Variants in HOXB3 observed in about 807,000 individuals in gnomAD.
HOXB3 encodes homeobox B3.
Under a neutral mutation model 29.2 loss-of-function variants are expected in HOXB3, and 17 were observed. The observed-to-expected ratio is 0.58, with a 90% CI of 0.40 to 0.87. The LOEUF (loss-of-function observed/expected upper bound fraction) is 0.87. Ranked by LOEUF, HOXB3 falls within the 40% of genes least tolerant of loss-of-function variation. The pLI is 0.00. For missense variants in HOXB3, 637 were observed against 616.3 expected (o/e 1.03, Z -0.35); for synonymous variants, 317 against 285.9 (o/e 1.11, Z -1.10).
At chr17:48,562,604 T>G (rs1342076817) in intron 2 of HOXB3, among the ~76,000 whole-genome samples, 2 of 152,158 alleles carry the variant, frequency 1.3e-5, no homozygotes, top group Non-Finnish European at 2.9e-5. Context: ...TAATATCAAT[T>G]TACTTCACTG....
rs776508741 is a variant in HOXB3, at chr17:48,578,136, C to T, written c.-424-4122G>A. 3 of 1,547,014 alleles carry T rather than the reference C, an allele frequency of 1.9e-6. No individual in the cohort carries two copies. The highest frequency in any genetic ancestry group is 1.4e-5 in the African/African-American group (1 of 73,406). On this transcript the variant is annotated intron_variant, in intron 1 of 4. Coordinates refer to ENST00000498678, the MANE Select transcript of HOXB3 (RefSeq NM_001384749.1). The stretch of plus-strand genomic sequence containing the variant: ...TCCCGGCAGGCCGCGTAGCGCTGCA[C>T]GGTGCACGCCGCGCGCCGCCCGAAG...
rs2068865956 is a variant in HOXB3, at chr17:48,554,048, T to A, written c.-158-1416A>T. 1 of 154,926 alleles carries A rather than the reference T, an allele frequency of 6.5e-6. No individual in the cohort carries two copies. Among genetic ancestry groups the A allele is most frequent in the Non-Finnish European group, 1.4e-5 (1 of 69,710 alleles). The allele number at this position is 154,926 out of a possible 1,614,324, so 9.6% of individuals were successfully genotyped here. On this transcript the variant is annotated intron_variant, in intron 3 of 4. Transcript: ENST00000498678. The surrounding 1 kb of genome is among the most constrained non-coding windows in gnomAD (Gnocchi z 4.1). The stretch of plus-strand genomic sequence containing the variant: ...AAAAGGGAATCAGTGTAACCCTGAG[T>A]TCCGATTGGTTTCTGGAAATACACA...
At chr17:48,576,932 G>A (rs1281350200) in intron 1 of HOXB3, 3 of 1,614,250 alleles carry the variant, frequency 1.9e-6, no homozygotes, top group Admixed American at 1.7e-5. Context: ...AGCGGTTGTA[G>A]TGAAATTCCT....
At chr17:48,563,585 C>T (rs973730936) in intron 2 of HOXB3, among the ~76,000 whole-genome samples, 1 of 152,160 alleles carries the variant, frequency 6.6e-6, no homozygotes, top group Non-Finnish European at 1.5e-5. Context: ...AAAATAAATC[C>T]CAGTGCGTCA....
chr17:48,568,815 T>A (rs1052805111), intron 2 of HOXB3, among the ~76,000 whole-genome samples: 10 of 152,128 alleles, frequency 6.6e-5, no homozygotes, highest in Admixed American at 5.9e-4. Context: ...ATGCAATGCC[T>A]CAATGGGCAT....
chr17:48,571,788 C>T (rs762148063), intron 2 of HOXB3, among the ~76,000 whole-genome samples: 2 of 152,220 alleles, frequency 1.3e-5, no homozygotes, highest in Non-Finnish European at 2.9e-5. Flanking sequence ...TTTCCTGAGG[C>T]CTCCAGCCCC....
rs1473933866 is a variant in HOXB3 at position 48,554,340 on chromosome 17, TGAC to T, written c.-159+1188_-159+1190del. On this transcript the variant is annotated intron_variant, in intron 3 of 4. Coordinates refer to ENST00000498678, the MANE Select transcript of HOXB3 (RefSeq NM_001384749.1). This position sits in a 1 kb window ranked among gnomAD's most constrained non-coding sequence, Gnocchi z 4.1. Reference sequence around the variant, plus strand: ...CTGATTGTTACAGCAATAATAATGATGACGATGATGATGATAGTAATAATAATA... The same window carrying T: ...CTGATTGTTACAGCAATAATAATGATGATGATGATGATAGTAATAATAATA... The T allele has an allele frequency of 2.7e-6, 1 of 377,008 alleles. No homozygotes were observed. The highest frequency in any genetic ancestry group is 2.1e-5 in the African/African-American group (1 of 48,656). 23.4% of individuals were successfully genotyped at this position (377,008 alleles called of 1,614,324 possible). A position where few individuals can be genotyped will look rare whatever the true frequency, so the allele number is the denominator to read the frequency against.
chr17:48,559,532 T>A (rs2144793792), intron 2 of HOXB3: 1 of 152,364 alleles, frequency 6.6e-6, no homozygotes, highest in African/African-American at 2.4e-5. Flanking sequence ...TTTGTAGCCC[T>A]AGAAAAGTGG....
In HOXB3 at chr17:48,554,649, G is replaced by A. The variant is rs2068889489; in HGVS notation, c.-159+882C>T. 1.4e-6 allele frequency: 1 copy of A among 702,286 alleles called. No homozygotes were observed. Among genetic ancestry groups the A allele is most frequent in the Non-Finnish European group, 2.6e-6 (1 of 384,792 alleles). The allele number at this position is 702,286 out of a possible 1,614,324, so 43.5% of individuals were successfully genotyped here. ...GCCACCTACGATGGCCCAAGGAGGC[G>A]AAGAAGAGCAAGCGATCAGGACACC... On this transcript the variant is annotated intron_variant, in intron 3 of 4. Transcript: ENST00000498678. The surrounding 1 kb of genome is among the most constrained non-coding windows in gnomAD (Gnocchi z 4.1).
rs773856374 is a variant in HOXB3 at position 48,552,475 on chromosome 17, C to A, written c.-1G>T. On this transcript the variant is annotated 5_prime_UTR_variant, in exon 4 of 5. Transcript: ENST00000498678. ...TGTCGTAGTAGGTGGCTTTCTGCAT[C>A]GCTGGGTGAGGCCTGGGCAGTGGGT... The A allele has an allele frequency of 1.3e-6, 2 of 1,562,196 alleles. No individual in the cohort carries two copies. The highest frequency in any genetic ancestry group is 2.7e-5 in the African/African-American group (2 of 74,032).
intron 1 of HOXB3, among the ~76,000 whole-genome samples, chr17:48,584,293 G>T (rs1485368410): frequency 1.3e-5 from 2 of 152,216 alleles, no homozygotes; most frequent in Non-Finnish European, 2.9e-5. Context: ...GAGAGTGAGA[G>T]AATTAACAAG....
At chr17:48,561,509 T>G (rs2069198090) in intron 2 of HOXB3, among the ~76,000 whole-genome samples, 1 of 152,212 alleles carries the variant, frequency 6.6e-6, no homozygotes, top group African/African-American at 2.4e-5. Flanking sequence ...CTCTGAATAT[T>G]GCAAATAAAC....
intron 2 of HOXB3, among the ~76,000 whole-genome samples, chr17:48,562,327 C>G (rs552911156): frequency 1.6e-4 from 24 of 152,226 alleles, no homozygotes; most frequent in African/African-American, 5.1e-4. Context: ...GTTGCCTCCC[C>G]CTCAGTTGGA....
rs2068657759 is a variant in HOXB3 at position 48,550,133 on chromosome 17, C to T, written c.*201G>A. 7 of 623,520 alleles carry T rather than the reference C, an allele frequency of 1.1e-5. No homozygotes were observed. Among genetic ancestry groups the T allele is most frequent in the South Asian group, 1.0e-4 (5 of 49,710 alleles). 38.6% of individuals were successfully genotyped at this position (623,520 alleles called of 1,614,324 possible). On this transcript the variant is annotated 3_prime_UTR_variant, in exon 5 of 5. Coordinates refer to ENST00000498678, the MANE Select transcript of HOXB3 (RefSeq NM_001384749.1). The stretch of plus-strand genomic sequence containing the variant: ...TGTGGATTCCTTTCCGATGGGTTGG[C>T]AGGCAGATGGAACAAGGGGTGGAAG...
At chr17:48,552,805 T>TA (rs1476273081) in intron 3 of HOXB3, 173 bp from the exon 4 acceptor site, 6 of 302,400 alleles carry the variant, frequency 2.0e-5, no homozygotes, top group Non-Finnish European at 3.0e-5. Context: ...CACTAAAAAA[T>TA]AAAAAAATAA....
chr17:48,551,463 CCATT>C (rs1485303420), intron 4 of HOXB3, among the ~76,000 whole-genome samples: 5 of 152,312 alleles, frequency 3.3e-5, no homozygotes, highest in Admixed American at 6.5e-5. Context: ...AGCCGCATGG[CCATT>C]TATTTAGGGC....
intron 1 of HOXB3, among the ~76,000 whole-genome samples, chr17:48,587,847 G>A (rs187782882): frequency 2.6e-5 from 4 of 152,360 alleles, no homozygotes; most frequent in African/African-American, 7.2e-5. Context: ...ATTGTCCACC[G>A]AGTGGTGGCC....
In HOXB3 at chr17:48,551,153, G is replaced by GCCACCGCCGCCGCCA; in HGVS notation, c.462_476dup (p.Gly160_Gly164dup). 1 of 1,280,556 alleles carries GCCACCGCCGCCGCCA rather than the reference G, an allele frequency of 7.8e-7. No individual in the cohort carries two copies. Among genetic ancestry groups the GCCACCGCCGCCGCCA allele is most frequent in the Non-Finnish European group, 9.9e-7 (1 of 1,012,058 alleles). The allele number at this position is 1,280,556 out of a possible 1,614,324, so 79.3% of individuals were successfully genotyped here. A position where few individuals can be genotyped will look rare whatever the true frequency, so the allele number is the denominator to read the frequency against. On this transcript the variant is annotated inframe_insertion, in exon 5 of 5. Coordinates refer to ENST00000498678, the MANE Select transcript of HOXB3 (RefSeq NM_001384749.1). Reference sequence around the variant, plus strand: ...TGCCACCACTGCCTCCGCCGCCGCCGCCACCGCCGCCGCCACCACAGCCCT... The same window carrying GCCACCGCCGCCGCCA: ...TGCCACCACTGCCTCCGCCGCCGCCGCCACCGCCGCCGCCACCACCGCCGCCGCCACCACAGCCCT...
chr17:48,551,056 G>A lies in HOXB3; in HGVS notation c.574C>T (p.Arg192Trp). Residue 192 changes from arginine (R) to tryptophan (W), a missense_variant, in exon 5 of 5, where the codon CGG (arginine) becomes TGG (tryptophan). Physicochemically the swap from Arg to Trp is moderately radical, Grantham distance 101. Coordinates refer to ENST00000498678, the MANE Select transcript of HOXB3 (RefSeq NM_001384749.1). ...AGCTGCGCGCTCGTGTACGCCGTCC[G>A]CGCCCGCTTGGACGCCGCCGACCCC... ...PPGSAASKRA[R>W]TAYTSAQLVE... The A allele has an allele frequency of 6.3e-7, 1 of 1,582,216 alleles. No individual in the cohort carries two copies. Among genetic ancestry groups the A allele is most frequent in the Non-Finnish European group, 8.6e-7 (1 of 1,161,256 alleles).
Sources: allele counts gnomAD v4.1 joint callset (sites outside exome capture counted in the v4.1 genomes callset), GRCh38; gene constraint gnomAD v4.1.1; non-coding constraint Gnocchi (gnomAD v3.1); transcripts MANE v1.5; gene names NCBI Gene and HGNC (gene_info 2026-07-23, HGNC 2026-07-21).